OSTF1: variants seen among roughly 807,000 people sequenced by gnomAD.
OSTF1 encodes the protein osteoclast-stimulating factor 1.
A neutral mutation model predicts 37.2 loss-of-function variants in OSTF1; 27 were observed. The observed-to-expected ratio is 0.73, with a 90% CI of 0.54 to 1.00. The LOEUF is 1.00. Ranked by LOEUF, OSTF1 falls within the 50% of genes least tolerant of loss-of-function variation. OSTF1 has a pLI of 0.00. For missense variants in OSTF1, 232 were observed against 253.8 expected (o/e 0.91, Z 0.58); for synonymous variants, 82 against 89.2 (o/e 0.92, Z 0.46).
intron 3 of OSTF1, among the ~76,000 whole-genome samples, chr9:75,128,269 A>T (rs2118564605): frequency 6.8e-6 from 1 of 147,522 alleles, no homozygotes; most frequent in South Asian, 2.1e-4. Flanking sequence ...GTACCCTGGT[A>T]ATTGGCCTAA....
At chr9:75,128,389 TATATATATATATATA>T (rs1564165013) in intron 3 of OSTF1, among the ~76,000 whole-genome samples, 34 of 98,182 alleles carry the variant, frequency 3.5e-4, no homozygotes, top group African/African-American at 1.4e-3. Flanking sequence ...TATATATATA[TATATATATATATATA>T]TATTTTGTCC....
chr9:75,118,731 A>G (rs1825532619), intron 2 of OSTF1, among the ~76,000 whole-genome samples: 1 of 152,172 alleles, frequency 6.6e-6, no homozygotes, highest in Non-Finnish European at 1.5e-5. Context: ...ATGAGAACCA[A>G]GTGAAAGGGG....
In OSTF1 at chr9:75,116,629, C is replaced by T. The variant is rs532980215; in HGVS notation, c.35-875C>T. Among the ~76,000 whole-genome samples, 1,401 of 143,892 alleles carry T rather than the reference C, an allele frequency of 9.7e-3. 13 individuals are homozygous for T. Among genetic ancestry groups the T allele is most frequent in the African/African-American group, 0.034 (1,309 of 39,002 alleles). 94.4% of individuals were successfully genotyped at this position (143,892 alleles called of 152,430 possible). On this transcript the variant is annotated intron_variant, in intron 1 of 9. Transcript: ENST00000346234. ...CCTTTTTTTTTTTTTTTTTTTCCTC[C>T]GTGGTATTTTCTTTTCTTTTGGAAT... is the stretch of plus-strand genomic sequence containing the variant.
Position 75,100,467 on chromosome 9 carries a change from C to T in OSTF1, c.34+11741C>T, listed in dbSNP as rs567521885. Among the ~76,000 whole-genome samples the T allele has an allele frequency of 8.5e-5, 13 of 152,164 alleles. No individual in the cohort carries two copies. The South Asian group carries it at 2.1e-3, about 24-fold the overall frequency. On this transcript the variant is annotated intron_variant, in intron 1 of 9. Transcript: ENST00000346234. The stretch of plus-strand genomic sequence containing the variant: ...CTCTGAGGCCAGGCGCGGTGGCTCA[C>T]GCCTGTAATCCCAACAGTTTGGGAG...
At chr9:75,112,325 G>A (rs1163971174) in intron 1 of OSTF1, among the ~76,000 whole-genome samples, 4 of 152,102 alleles carry the variant, frequency 2.6e-5, no homozygotes, top group Non-Finnish European at 5.9e-5. Context: ...TTGTTAAACA[G>A]TAATCATAAA....
chr9:75,127,580 A>G lies in OSTF1; in HGVS notation c.93A>G (p.Leu31=). The part of the protein sequence containing the change: ...YTFEPRTPDE[L]YFEEGDIIYI... The stretch of plus-strand genomic sequence containing the variant: ...TTTTTTTCTTCTAGCCAGATGAATT[A>G]TACTTTGAGGAAGGTGATATTATCT... Residue 31 remains leucine, a synonymous_variant, in exon 3 of 10, where the codon TTA becomes TTG. Transcript: ENST00000346234. 6.3e-7 allele frequency: 1 copy of G among 1,578,698 alleles called. No homozygotes were observed. Among genetic ancestry groups the G allele is most frequent in the Non-Finnish European group, 8.6e-7 (1 of 1,158,206 alleles).
At chr9:75,129,534 G>C (rs1825731544) in intron 3 of OSTF1, among the ~76,000 whole-genome samples, 1 of 152,134 alleles carries the variant, frequency 6.6e-6, no homozygotes, top group Non-Finnish European at 1.5e-5. Flanking sequence ...TTTCCTAATG[G>C]AAGAAATCAA....
chr9:75,143,924 T>G (rs1825982631), intron 9 of OSTF1, among the ~76,000 whole-genome samples: 1 of 152,236 alleles, frequency 6.6e-6, no homozygotes, highest in Non-Finnish European at 1.5e-5. Context: ...TGTCTTTTGA[T>G]GACCACTCAG....
intron 1 of OSTF1, among the ~76,000 whole-genome samples, chr9:75,108,083 G>C (rs1825320855): frequency 6.6e-6 from 1 of 151,936 alleles, no homozygotes; most frequent in South Asian, 2.1e-4. Context: ...AAATGAGCTG[G>C]GTGTGGTGGT....
intron 9 of OSTF1, among the ~76,000 whole-genome samples, chr9:75,146,246 CTTCT>C (rs1826022472): frequency 6.6e-6 from 1 of 152,210 alleles, no homozygotes; most frequent in Non-Finnish European, 1.5e-5. Flanking sequence ...GAAATGGAAG[CTTCT>C]TTGTTTTCAT....
chr9:75,131,900 A>G, intron 5 of OSTF1, 77 bp downstream of exon 5: 1 of 1,014,020 alleles, frequency 9.9e-7, no homozygotes, highest in Non-Finnish European at 1.6e-6. Flanking sequence ...ACAAGTGCAT[A>G]CACCCACGTA....
At chr9:75,134,470 G>A (rs1825813282) in intron 7 of OSTF1, 75 bp downstream of exon 7, 1 of 721,728 alleles carries the variant, frequency 1.4e-6, no homozygotes, top group Non-Finnish European at 2.4e-6. Context: ...TCATGGGCAT[G>A]TGAAGTATTG....
intron 3 of OSTF1, among the ~76,000 whole-genome samples, chr9:75,127,968 G>A (rs999313038): frequency 4.6e-5 from 7 of 151,928 alleles, no homozygotes; most frequent in Non-Finnish European, 8.8e-5. Flanking sequence ...GAGTGTATGT[G>A]TACACACACA....
intron 5 of OSTF1, among the ~76,000 whole-genome samples, chr9:75,132,794 T>C (rs771147948): frequency 6.6e-6 from 1 of 152,192 alleles, no homozygotes; most frequent in Non-Finnish European, 1.5e-5. Context: ...TTAATAGTTA[T>C]AGTTTAGCAT....
intron 2 of OSTF1, among the ~76,000 whole-genome samples, chr9:75,124,380 T>G (rs1587461655): frequency 6.6e-6 from 1 of 152,088 alleles, no homozygotes; most frequent in African/African-American, 2.4e-5. Flanking sequence ...TCTTTCTAAA[T>G]TTTTTTTGTA....
intron 9 of OSTF1, among the ~76,000 whole-genome samples, chr9:75,142,920 TATATTCTG>T (rs1207558957): frequency 6.6e-6 from 1 of 151,518 alleles, no homozygotes; most frequent in East Asian, 1.9e-4. Context: ...TTGGAAAAGG[TATATTCTG>T]ATATTGTTGT....
At chr9:75,109,242 T>C (rs1825343611) in intron 1 of OSTF1, among the ~76,000 whole-genome samples, 1 of 152,052 alleles carries the variant, frequency 6.6e-6, no homozygotes, top group Non-Finnish European at 1.5e-5. Flanking sequence ...CAACTCCTGA[T>C]CTCAAGTGAT....
intron 7 of OSTF1, among the ~76,000 whole-genome samples, chr9:75,135,813 G>A (rs373113946): frequency 3.0e-4 from 45 of 152,170 alleles, no homozygotes; most frequent in African/African-American, 1.1e-3. Context: ...GTGCATTTAG[G>A]TTGTAGGAAG....
At chr9:75,116,304 G>A (rs866791298) in intron 1 of OSTF1, among the ~76,000 whole-genome samples, 7 of 151,920 alleles carry the variant, frequency 4.6e-5, no homozygotes, top group Admixed American at 1.3e-4. Flanking sequence ...GGTATCCATC[G>A]TGGTTCTAGA....
Sources: allele counts gnomAD v4.1 joint callset (sites outside exome capture counted in the v4.1 genomes callset), GRCh38; gene constraint gnomAD v4.1.1; transcripts MANE v1.5; gene names NCBI Gene and HGNC (gene_info 2026-07-23, HGNC 2026-07-21).